ADAMTS18: variants seen among roughly 807,000 people sequenced by gnomAD.
ADAMTS18 encodes A disintegrin and metalloproteinase with thrombospondin motifs 18.
Under a neutral mutation model 165.9 loss-of-function variants are expected in ADAMTS18, and 157 were observed. That is an observed-to-expected ratio of 0.95 (90% confidence interval 0.83 to 1.08). ADAMTS18 has a LOEUF of 1.08. Among genes scored for constraint, ADAMTS18 ranks in the 50% least tolerant of loss-of-function variants. The probability of loss-of-function intolerance (pLI) is 0.00; values close to 1 mark genes in which losing one functional copy is unlikely to be tolerated. For missense variants in ADAMTS18, 2,040 were observed against 1,534.0 expected (o/e 1.33, Z -5.51); for synonymous variants, 782 against 578.2 (o/e 1.35, Z -5.06).
At chr16:77,433,010 T>C (rs78767134) in intron 2 of ADAMTS18, among the ~76,000 whole-genome samples, 2,382 of 152,316 alleles carry the variant, frequency 0.016, 75 homozygotes, top group African/African-American at 0.054. Flanking sequence ...ATAATTGACA[T>C]ACATATTTTA....
At chr16:77,430,754 C>T (rs2057728715) in intron 3 of ADAMTS18, among the ~76,000 whole-genome samples, 1 of 152,298 alleles carries the variant, frequency 6.6e-6, no homozygotes, top group East Asian at 1.9e-4. Flanking sequence ...CTGAATGCCA[C>T]ATTTAATCCT....
At chr16:77,370,890 T>C (rs1342814259) in intron 3 of ADAMTS18, among the ~76,000 whole-genome samples, 4 of 151,860 alleles carry the variant, frequency 2.6e-5, no homozygotes, top group East Asian at 1.9e-4. Context: ...ATGAAACAAA[T>C]TGAAGAGAAT....
In ADAMTS18 at chr16:77,410,670, C is replaced by T. The variant is rs112872394; in HGVS notation, c.495+20625G>A. 4.6e-5 allele frequency among the ~76,000 whole-genome samples: 7 copies of T among 152,166 alleles called. No homozygotes were observed. The East Asian group carries it at 7.7e-4, about 17-fold the overall frequency. On this transcript the variant is annotated intron_variant, in intron 3 of 22. Coordinates refer to ENST00000282849, the MANE Select transcript of ADAMTS18 (RefSeq NM_199355.4). ...ACCATCTTGGCAGGTAGCCAGAGAC[C>T]GCCCTTGCTTGTTGTAATCCCTGCT...
intron 22 of ADAMTS18, among the ~76,000 whole-genome samples, chr16:77,287,674 A>G (rs1834052): frequency 0.93 from 140,888 of 152,090 alleles, 65,995 homozygotes; most frequent in Non-Finnish European, 0.99. Flanking sequence ...GTTTCACCAT[A>G]TTAGCCAGGC....
At chr16:77,349,466 T>C (rs757095586) in intron 10 of ADAMTS18, among the ~76,000 whole-genome samples, 10 of 147,906 alleles carry the variant, frequency 6.8e-5, no homozygotes, top group South Asian at 2.1e-4. Context: ...ATTTATCTTA[T>C]GTAAAATGCA....
intron 3 of ADAMTS18, among the ~76,000 whole-genome samples, chr16:77,412,950 G>T (rs766414514): frequency 6.6e-6 from 1 of 152,044 alleles, no homozygotes; most frequent in African/African-American, 2.4e-5. Flanking sequence ...TCCCGCCTCC[G>T]TCTTTGAAAG....
chr16:77,319,405 C>T (rs1029282662), intron 16 of ADAMTS18, among the ~76,000 whole-genome samples: 2 of 152,152 alleles, frequency 1.3e-5, no homozygotes, highest in African/African-American at 2.4e-5. Flanking sequence ...TGTCTTCTCC[C>T]CTTTACACTT....
intron 22 of ADAMTS18, among the ~76,000 whole-genome samples, chr16:77,285,246 C>T (rs1201073959): frequency 6.6e-6 from 1 of 152,186 alleles, no homozygotes; most frequent in Admixed American, 6.5e-5. Context: ...AATCTCGGCT[C>T]ACTGCATCCT....
intron 13 of ADAMTS18, among the ~76,000 whole-genome samples, chr16:77,325,330 T>G (rs751879971): frequency 6.6e-6 from 1 of 152,194 alleles, no homozygotes; most frequent in African/African-American, 2.4e-5. Context: ...ACACATTAAT[T>G]TAAAAAGTAA....
intron 3 of ADAMTS18, among the ~76,000 whole-genome samples, chr16:77,430,451 T>C (rs2057725269): frequency 1.3e-5 from 2 of 152,206 alleles, no homozygotes; most frequent in Admixed American, 6.5e-5. Flanking sequence ...ACCATGTACA[T>C]TACTCACTAC....
chr16:77,293,931 T>C (rs2055417065), intron 19 of ADAMTS18, among the ~76,000 whole-genome samples: 1 of 151,860 alleles, frequency 6.6e-6, no homozygotes, highest in Non-Finnish European at 1.5e-5. Flanking sequence ...TACTTGTTCA[T>C]GACCTGGGGG....
chr16:77,303,643 AT>A (rs983758273), intron 16 of ADAMTS18, among the ~76,000 whole-genome samples: 15 of 145,136 alleles, frequency 1.0e-4, no homozygotes, highest in African/African-American at 3.3e-4. Flanking sequence ...AAAAAAAAAA[AT>A]GACTTTCGGG....
chr16:77,315,648 T>G (rs1346279397), intron 16 of ADAMTS18, among the ~76,000 whole-genome samples: 1 of 152,192 alleles, frequency 6.6e-6, no homozygotes, highest in Non-Finnish European at 1.5e-5. Context: ...TCTTTATTGG[T>G]GGTGTCAACC....
chr16:77,364,768 A>G (rs541957332), intron 4 of ADAMTS18, among the ~76,000 whole-genome samples: 94 of 150,016 alleles, frequency 6.3e-4, no homozygotes, highest in Non-Finnish European at 1.8e-4. Context: ...AAAGAAAAGG[A>G]AAGCAAAGGA....
chr16:77,398,329 A>T (rs1399724937), intron 3 of ADAMTS18, among the ~76,000 whole-genome samples: 1 of 151,872 alleles, frequency 6.6e-6, no homozygotes, highest in Non-Finnish European at 1.5e-5. Flanking sequence ...AAACAACAAC[A>T]ACAACAACAA....
chr16:77,403,764 C>T (rs916887196), intron 3 of ADAMTS18, among the ~76,000 whole-genome samples: 6 of 152,106 alleles, frequency 3.9e-5, no homozygotes, highest in African/African-American at 1.4e-4. Flanking sequence ...TCAGACACAG[C>T]CCTCCTCACA....
chr16:77,319,912 G>C lies in ADAMTS18; in HGVS notation c.2469C>G (p.Arg823=). Reference sequence around the variant, plus strand: ...ACAGACGTTCCGGGCGGTTGAAAGAGCGCTGGTATTCAAACGTGGTCCCAG... The same window carrying C: ...ACAGACGTTCCGGGCGGTTGAAAGACCGCTGGTATTCAAACGTGGTCCCAG... ...PFAGTTFEYQ[R]SFNRPERLYA... The change falls in exon 16 of 23, where the codon CGC becomes CGG. Residue 823 remains arginine (R), a synonymous_variant. Transcript: ENST00000282849. 1 of 1,614,178 alleles carries C rather than the reference G, an allele frequency of 6.2e-7. No individual in the cohort carries two copies. Among genetic ancestry groups the C allele is most frequent in the Non-Finnish European group, 8.5e-7 (1 of 1,180,006 alleles).
At chr16:77,357,208 AAT>A (rs1171260813) in intron 8 of ADAMTS18, among the ~76,000 whole-genome samples, 1 of 152,054 alleles carries the variant, frequency 6.6e-6, no homozygotes, top group Non-Finnish European at 1.5e-5. Context: ...ATACCAAATA[AAT>A]ATGTTACGAT....
At chr16:77,392,196 C>T (rs1424560412) in intron 3 of ADAMTS18, among the ~76,000 whole-genome samples, 2 of 152,196 alleles carry the variant, frequency 1.3e-5, no homozygotes, top group Non-Finnish European at 2.9e-5. Context: ...TGGCTGGCTC[C>T]TGTTCAGCTC....
Sources: allele counts gnomAD v4.1 joint callset (sites outside exome capture counted in the v4.1 genomes callset), GRCh38; gene constraint gnomAD v4.1.1; transcripts MANE v1.5; gene names NCBI Gene and HGNC (gene_info 2026-07-23, HGNC 2026-07-21).